LANCL2: variants seen among roughly 807,000 people sequenced by gnomAD.
LANCL2 encodes lanC-like protein 2.
Under a neutral mutation model 56.9 loss-of-function variants are expected in LANCL2, and 33 were observed. The observed-to-expected ratio is 0.58, with a 90% confidence interval of 0.44 to 0.78. The LOEUF is 0.78. Ranked by LOEUF, LANCL2 falls within the 30% of genes least tolerant of loss-of-function variation. LANCL2 has a pLI of 0.00. For synonymous variants in LANCL2, 233 were observed against 228.2 expected (o/e 1.02, Z -0.19); for missense variants, 562 against 580.2 (o/e 0.97, Z 0.32).
chr7:55,373,247 C>G (rs192572639), intron 1 of LANCL2, among the ~76,000 whole-genome samples: 55 of 151,786 alleles, frequency 3.6e-4, no homozygotes, highest in Non-Finnish European at 6.6e-4. Flanking sequence ...CTTGAACATA[C>G]TTGAGTTATT....
intron 6 of LANCL2, among the ~76,000 whole-genome samples, chr7:55,415,387 C>T (rs1790516683): frequency 6.6e-6 from 1 of 152,188 alleles, no homozygotes; most frequent in Admixed American, 6.5e-5. Context: ...GGAGTGCCCC[C>T]TGGTGGCCAA....
chr7:55,366,974 C>CCGAGTGTTTCTTTGTTCCTGGTGT (rs1583737307), intron 1 of LANCL2, among the ~76,000 whole-genome samples: 1 of 152,256 alleles, frequency 6.6e-6, no homozygotes, highest in East Asian at 1.9e-4. Flanking sequence ...GGCTCTGGTG[C>CCGAGTGTTTCTTTGTTCCTGGTGT]CGAGTGTTTC....
intron 6 of LANCL2, among the ~76,000 whole-genome samples, chr7:55,416,841 A>T (rs78303608): frequency 0.044 from 6,752 of 151,912 alleles, 505 homozygotes; most frequent in African/African-American, 0.15. Context: ...TGTCTAAGAA[A>T]CCTTATCTAC....
At position 55,398,568 on chromosome 7, in the gene LANCL2, T is replaced by C. The variant is rs1433620849; in HGVS notation, c.468T>C (p.Ala156=). ...TCTGTGGGGATGCTGGCCCCCTGGC[T>C]GTTGGAGCTGTGATTTATCACAAAC... is the stretch of plus-strand genomic sequence containing the variant. ...TFLCGDAGPL[A]VGAVIYHKLR... is the part of the protein sequence containing the mutation. The change falls in exon 3 of 9, where the codon GCT becomes GCC. Residue 156 remains alanine (A), a synonymous_variant. Transcript: ENST00000254770. 2 of 1,614,190 alleles carry C rather than the reference T, an allele frequency of 1.2e-6. No homozygotes were observed. Among genetic ancestry groups the C allele is most frequent in the Non-Finnish European group, 1.7e-6 (2 of 1,180,026 alleles).
At position 55,433,045 on chromosome 7, in the gene LANCL2, C is replaced by T. The variant is rs1309704529; in HGVS notation, c.*1725C>T. The T allele has an allele frequency of 6.6e-6, 1 of 152,372 alleles. No individual in the cohort carries two copies. The highest frequency in any genetic ancestry group is 1.9e-4 in the East Asian group (1 of 5,194). 9.4% of individuals were successfully genotyped at this position (152,372 alleles called of 1,614,324 possible). ...TTGTTCCCATCCTCCCCACCCACCACATCAAAACATAACACATCACAGCAC... is the reference window on the plus strand; with the variant it reads ...TTGTTCCCATCCTCCCCACCCACCATATCAAAACATAACACATCACAGCAC... On this transcript the variant is annotated 3_prime_UTR_variant, in exon 9 of 9. Coordinates refer to ENST00000254770, the MANE Select transcript of LANCL2 (RefSeq NM_018697.4).
rs537780800 is a variant in LANCL2 at position 55,417,052 on chromosome 7, T to G, written c.1008+4963T>G. On this transcript the variant is annotated intron_variant, in intron 6 of 8. Transcript: ENST00000254770. ...TGGAGTGCAGTGGCACGATCTCTGC[T>G]CACTACAAGCTCCGCCTCCCAGGTT... 3.3e-3 allele frequency among the ~76,000 whole-genome samples: 473 copies of G among 141,438 alleles called. 4 individuals carry two copies. Among genetic ancestry groups the G allele is most frequent in the African/African-American group, 0.012 (462 of 37,354 alleles). The allele number at this position is 141,438 out of a possible 152,430, so 92.8% of individuals were successfully genotyped here.
At chr7:55,392,030 C>T (rs1200969537) in intron 2 of LANCL2, 120 bp downstream of exon 2, 11 of 565,860 alleles carry the variant, frequency 1.9e-5, no homozygotes, top group South Asian at 1.1e-4. Context: ...CGGTGGCTGA[C>T]GCCTGTAATC....
intron 1 of LANCL2, among the ~76,000 whole-genome samples, chr7:55,371,477 A>T (rs912214671): frequency 1.3e-5 from 2 of 152,158 alleles, no homozygotes; most frequent in Non-Finnish European, 2.9e-5. Flanking sequence ...TTCCCAGCTC[A>T]TATGCTGCTG....
In LANCL2 at chr7:55,425,262, G is replaced by A; in HGVS notation, c.1017G>A (p.Lys339=). ...HMLMQAYKVF[K]EEKYLKEAME... Reference sequence around the variant, plus strand: ...GTTTTTAATTTGCCCAGGTCTTTAAGGAGGAGAAGTACTTGAAAGAGGCCA... The same window carrying A: ...GTTTTTAATTTGCCCAGGTCTTTAAAGAGGAGAAGTACTTGAAAGAGGCCA... Residue 339 remains lysine (K), a synonymous_variant, in exon 7 of 9, where the codon AAG becomes AAA. Coordinates refer to ENST00000254770, the MANE Select transcript of LANCL2 (RefSeq NM_018697.4). 6.2e-7 allele frequency: 1 copy of A among 1,613,392 alleles called. No homozygotes were observed. The highest frequency in any genetic ancestry group is 8.5e-7 in the Non-Finnish European group (1 of 1,179,716).
rs745684642 is a variant in LANCL2, at chr7:55,411,996, T to C, written c.915T>C (p.Asn305=). 2.5e-6 allele frequency: 4 copies of C among 1,614,238 alleles called. No individual in the cohort carries two copies. Among genetic ancestry groups the C allele is most frequent in the Admixed American group, 3.3e-5 (2 of 60,026 alleles). ...GCCACAAAAAATTCCGATCTGGGAATTACCCATCATCATTAAGCAATGAAA... is the reference window on the plus strand; with the variant it reads ...GCCACAAAAAATTCCGATCTGGGAACTACCCATCATCATTAAGCAATGAAA... ...YVRHKKFRSG[N]YPSSLSNETD... The change falls in exon 6 of 9, where the codon AAT becomes AAC. Residue 305 remains asparagine (N), a synonymous_variant. Coordinates refer to ENST00000254770, the MANE Select transcript of LANCL2 (RefSeq NM_018697.4).
chr7:55,428,154 G>T, intron 7 of LANCL2: 1 of 585,784 alleles, frequency 1.7e-6, no homozygotes, highest in East Asian at 2.8e-5. Flanking sequence ...CTTCCCAGCA[G>T]CTGTAAGGCA....
At chr7:55,410,075 G>T (rs1389174825) in intron 5 of LANCL2, among the ~76,000 whole-genome samples, 1 of 152,172 alleles carries the variant, frequency 6.6e-6, no homozygotes, top group South Asian at 2.1e-4. Context: ...GTAACTCAGG[G>T]CACAGCCATG....
At chr7:55,402,668 T>G in intron 5 of LANCL2, among the ~76,000 whole-genome samples, 1 of 115,848 alleles carries the variant, frequency 8.6e-6, no homozygotes, top group Admixed American at 7.6e-5. Flanking sequence ...CCCACCTCCC[T>G]TCCGGACGGG....
intron 2 of LANCL2, among the ~76,000 whole-genome samples, chr7:55,397,656 C>CT (rs10659615): frequency 0.022 from 2,350 of 108,838 alleles, 64 homozygotes; most frequent in African/African-American, 0.035. Flanking sequence ...TATACTGATT[C>CT]TTTTTTTTTT....
intron 7 of LANCL2, among the ~76,000 whole-genome samples, chr7:55,426,757 G>A (rs1405793411): frequency 2.0e-5 from 3 of 152,214 alleles, no homozygotes; most frequent in Non-Finnish European, 4.4e-5. Context: ...GGAGGTGTGA[G>A]CACCCAGGGC....
At chr7:55,398,691 A>G in intron 3 of LANCL2, 61 bp downstream of exon 3, 4 of 1,258,172 alleles carry the variant, frequency 3.2e-6, no homozygotes, top group Non-Finnish European at 4.6e-6. Flanking sequence ...TGCTGTAGAA[A>G]GATATTCAGA....
chr7:55,410,843 A>G (rs147092728), intron 5 of LANCL2, among the ~76,000 whole-genome samples: 2 of 152,250 alleles, frequency 1.3e-5, no homozygotes, highest in African/African-American at 2.4e-5. Flanking sequence ...TGGCATTAAC[A>G]TGTCACTCTA....
At chr7:55,413,825 T>C (rs912096182) in intron 6 of LANCL2, among the ~76,000 whole-genome samples, 2 of 152,200 alleles carry the variant, frequency 1.3e-5, no homozygotes, top group Non-Finnish European at 2.9e-5. Context: ...GTCCTCTACA[T>C]TAAGATTCTT....
chr7:55,387,764 T>C (rs1249229319), intron 1 of LANCL2, among the ~76,000 whole-genome samples: 3 of 152,222 alleles, frequency 2.0e-5, no homozygotes, highest in Non-Finnish European at 4.4e-5. Context: ...ACAGACCGTT[T>C]ATGACATACT....
Sources: allele counts gnomAD v4.1 joint callset (sites outside exome capture counted in the v4.1 genomes callset), GRCh38; gene constraint gnomAD v4.1.1; transcripts MANE v1.5; gene names NCBI Gene and HGNC (gene_info 2026-07-23, HGNC 2026-07-21).